MROH2A: variants seen among roughly 807,000 people sequenced by gnomAD.
MROH2A encodes maestro heat like repeat family member 2A.
Under a neutral mutation model 200.4 loss-of-function variants are expected in MROH2A, and 174 were observed. The observed-to-expected ratio is 0.87, with a 90% confidence interval of 0.77 to 0.98. The LOEUF (loss-of-function observed/expected upper bound fraction) is 0.98, where lower values mean the gene tolerates loss of function less well. MROH2A is among the 50% of genes least tolerant of loss of function. The pLI is 0.00. For missense variants in MROH2A, 2,045 were observed against 2,139.6 expected (o/e 0.96, Z 0.87); for synonymous variants, 829 against 840.4 (o/e 0.99, Z 0.23).
rs1702865637 is a variant in MROH2A, at chr2:233,807,350, C to T, written c.2053-73C>T. ...AATAAATTGAAAAATACGTAGAAAA[C>T]TCTCTACAACAGCACCCCCTGAAGG... On this transcript the variant is annotated intron_variant, in intron 19 of 41. Coordinates refer to ENST00000389758, the MANE Select transcript of MROH2A (RefSeq NM_001394639.1). This position sits in a 1 kb window ranked among gnomAD's most constrained non-coding sequence, Gnocchi z 4.3. 1.4e-6 allele frequency: 2 copies of T among 1,420,616 alleles called. No homozygotes were observed. The highest frequency in any genetic ancestry group is 1.9e-6 in the Non-Finnish European group (2 of 1,064,554). The allele number at this position is 1,420,616 out of a possible 1,614,324, so 88.0% of individuals were successfully genotyped here.
rs1199003782 is a variant in MROH2A, at chr2:233,817,938, C to T, written c.2962-64C>T. On this transcript the variant is annotated intron_variant, in intron 27 of 41. Coordinates refer to ENST00000389758, the MANE Select transcript of MROH2A (RefSeq NM_001394639.1). Reference sequence around the variant, plus strand: ...TATCAAGTTGTCCTTTACACTGCCCCTGGGCAGCCCCAGGTGTGCATGAGA... The same window carrying T: ...TATCAAGTTGTCCTTTACACTGCCCTTGGGCAGCCCCAGGTGTGCATGAGA... The T allele has an allele frequency of 1.9e-6, 3 of 1,542,828 alleles. No homozygotes were observed. The East Asian group carries it at 7.3e-5, about 38-fold the overall frequency.
At chr2:233,818,534 C>A in intron 28 of MROH2A, 118 bp from the exon 29 acceptor site, 2 of 730,982 alleles carry the variant, frequency 2.7e-6, no homozygotes, top group Non-Finnish European at 5.0e-6. Flanking sequence ...ACGCCTGGGA[C>A]GTTCACATGC....
intron 15 of MROH2A, among the ~76,000 whole-genome samples, chr2:233,802,899 A>G (rs1007555169): frequency 2.2e-4 from 33 of 152,286 alleles, no homozygotes; most frequent in Middle Eastern, 3.4e-3. Flanking sequence ...GATCTAAACA[A>G]GCTGGCCAGT....
chr2:233,780,124 C>T (rs1043668391), intron 3 of MROH2A, among the ~76,000 whole-genome samples: 11 of 152,154 alleles, frequency 7.2e-5, no homozygotes, highest in African/African-American at 4.8e-5. Context: ...AGCCAGTGGG[C>T]ATGGGAGAGT....
At chr2:233,816,705 TG>T in intron 26 of MROH2A, 75 bp from the exon 27 acceptor site, 1 of 934,970 alleles carries the variant, frequency 1.1e-6, no homozygotes, top group Non-Finnish European at 1.7e-6. Flanking sequence ...GAGGGTGAGG[TG>T]GGCAAAAGCT....
At chr2:233,789,733 A>G in intron 4 of MROH2A, 105 bp downstream of exon 4, 1 of 1,455,056 alleles carries the variant, frequency 6.9e-7, no homozygotes, top group Non-Finnish European at 9.1e-7. Context: ...TACCTCTCAG[A>G]GCAGGGGTAA....
chr2:233,801,978 G>A (rs892231210), intron 14 of MROH2A, among the ~76,000 whole-genome samples, 190 bp from the exon 15 acceptor site: 1 of 152,222 alleles, frequency 6.6e-6, no homozygotes, highest in African/African-American at 2.4e-5. Flanking sequence ...CCACATCAGG[G>A]TGGGTGACAC....
rs1367510364 is a variant in MROH2A, at chr2:233,822,138, T to G, written c.3527T>G (p.Val1176Gly). ...PLPMESHLAEVWLAVSENVPF... is the reference protein window; with the variant it reads ...PLPMESHLAEGWLAVSENVPF... ...ACTTTGGTTAGCCACCTGGCAGAGG[T>G]GTGGCTGGCAGTGTCGGAGAACGTG... is the stretch of plus-strand genomic sequence containing the variant. Residue 1176 changes from valine (V) to glycine (G), a missense_variant, in exon 32 of 42, where the codon GTG becomes GGG. Physicochemically the swap from Val to Gly is moderately radical, Grantham distance 109. Transcript: ENST00000389758. 6.5e-7 allele frequency: 1 copy of G among 1,549,440 alleles called. No homozygotes were observed. The highest frequency in any genetic ancestry group is 8.7e-7 in the Non-Finnish European group (1 of 1,146,442).
At chr2:233,804,353 A>G in intron 17 of MROH2A, 142 bp from the exon 18 acceptor site, 3 of 1,317,486 alleles carry the variant, frequency 2.3e-6, no homozygotes, top group Non-Finnish European at 3.2e-6. Context: ...TGGGAAGGTG[A>G]GGAGTGCAAT....
chr2:233,826,210 A>T (rs750030019), intron 35 of MROH2A, among the ~76,000 whole-genome samples: 2 of 152,202 alleles, frequency 1.3e-5, no homozygotes, highest in Non-Finnish European at 2.9e-5. Context: ...GGCGTGAGCC[A>T]CCACGCCCGA....
In MROH2A at chr2:233,798,803, C is replaced by G. The variant is rs1311679128; in HGVS notation, c.1282C>G (p.Leu428Val). The part of the protein sequence containing the change: ...EPRMSIRAIY[L>V]AIRVVKNTIS... ...CAGGATGAGTATCAGGGCCATCTAC[C>G]TGGCTATCCGGGTAGTCAAGAACAC... The change falls in exon 12 of 42, where the codon CTG becomes GTG. Residue 428 changes from leucine (L) to valine (V), a missense_variant. Physicochemically the swap from Leu to Val is conservative, Grantham distance 32 (BLOSUM62 1). Coordinates refer to ENST00000389758, the MANE Select transcript of MROH2A (RefSeq NM_001394639.1). 2.6e-6 allele frequency: 4 copies of G among 1,550,546 alleles called. No homozygotes were observed. In the Admixed American group the frequency reaches 7.8e-5, roughly 30 times the overall value.
At chr2:233,789,725 C>T in intron 4 of MROH2A, 97 bp downstream of exon 4, 1 of 1,450,552 alleles carries the variant, frequency 6.9e-7, no homozygotes, top group South Asian at 1.4e-5. Flanking sequence ...TGTGCAGTTA[C>T]CTCTCAGAGC....
At chr2:233,823,812 C>G in intron 35 of MROH2A, 148 bp downstream of exon 35, 1 of 997,952 alleles carries the variant, frequency 1.0e-6, no homozygotes, top group Non-Finnish European at 1.5e-6. Flanking sequence ...TCATCTGCTC[C>G]TTCATTCATT....
In MROH2A at chr2:233,807,884, C is replaced by A; in HGVS notation, c.2295+29C>A. 6.4e-7 allele frequency: 1 copy of A among 1,550,862 alleles called. No individual in the cohort carries two copies. Among genetic ancestry groups the A allele is most frequent in the South Asian group, 1.2e-5 (1 of 84,044 alleles). On this transcript the variant is annotated intron_variant, in intron 21 of 41. Coordinates refer to ENST00000389758, the MANE Select transcript of MROH2A (RefSeq NM_001394639.1). The surrounding 1 kb of genome is among the most constrained non-coding windows in gnomAD (Gnocchi z 4.3). ...AGCCACCTTCCCTCCACAACTGGGTCTTGGGATCTCTTAGCACAGTGCTCT... is the reference window on the plus strand; with the variant it reads ...AGCCACCTTCCCTCCACAACTGGGTATTGGGATCTCTTAGCACAGTGCTCT...
At position 233,807,744 on chromosome 2, in the gene MROH2A, G is replaced by T; in HGVS notation, c.2184G>T (p.Met728Ile). Residue 728 changes from methionine (M) to isoleucine (I), a missense_variant, in exon 21 of 42, where the codon ATG becomes ATT. By Grantham distance (10) the Met-to-Ile change is conservative. Coordinates refer to ENST00000389758, the MANE Select transcript of MROH2A (RefSeq NM_001394639.1). The surrounding 1 kb of genome is among the most constrained non-coding windows in gnomAD (Gnocchi z 4.3). The stretch of plus-strand genomic sequence containing the variant: ...GGGTCTCCCTGCAGGGTGTGATTAT[G>T]TGCTTTGGCCTGTGTGCCCGGGGCC... ...SNDFDSEGVI[M>I]CFGLCARGQV... 6.4e-7 allele frequency: 1 copy of T among 1,550,712 alleles called. No individual in the cohort carries two copies.
chr2:233,787,484 A>ATT (rs1491387564), intron 3 of MROH2A, among the ~76,000 whole-genome samples: 12 of 132,694 alleles, frequency 9.0e-5, no homozygotes, highest in African/African-American at 2.3e-4. Context: ...ATACATATAT[A>ATT]ATATATATAC....
intron 21 of MROH2A, among the ~76,000 whole-genome samples, chr2:233,808,544 A>C (rs1048326225): frequency 3.3e-5 from 5 of 152,178 alleles, no homozygotes; most frequent in Non-Finnish European, 7.4e-5. Flanking sequence ...GAAAATCGAG[A>C]GAGTCCCAGG....
chr2:233,803,580 G>A, intron 16 of MROH2A, 92 bp downstream of exon 16: 3 of 1,372,158 alleles, frequency 2.2e-6, no homozygotes, highest in African/African-American at 1.4e-5. Context: ...AGCCCCAGGG[G>A]TATGAGGAAG....
At chr2:233,826,420 C>T (rs1369330177) in intron 35 of MROH2A, among the ~76,000 whole-genome samples, 1 of 152,120 alleles carries the variant, frequency 6.6e-6, no homozygotes, top group Non-Finnish European at 1.5e-5. Context: ...TAAGATGGCA[C>T]ATCTACAGGC....
Sources: gnomAD v4.1 joint callset for allele counts (sites outside exome capture counted in the v4.1 genomes callset) on GRCh38, gnomAD v4.1.1 for gene constraint, Gnocchi (gnomAD v3.1) non-coding constraint, MANE v1.5 for transcripts, NCBI Gene and HGNC (gene_info 2026-07-23, HGNC 2026-07-21) for gene names.